ADRA1B: variants seen among roughly 807,000 people sequenced by gnomAD.
ADRA1B encodes adrenoceptor alpha 1B.
Under a neutral mutation model 17.9 loss-of-function variants are expected in ADRA1B, and 17 were observed. The observed-to-expected ratio is 0.95, with a 90% CI of 0.65 to 1.42. ADRA1B has a LOEUF of 1.42. Among genes scored for constraint, ADRA1B ranks in the 40% most tolerant of loss-of-function variants. The pLI, the probability that ADRA1B is intolerant of heterozygous loss-of-function variation, is 0.00. For missense variants in ADRA1B, 681 were observed against 722.1 expected, an observed-to-expected ratio of 0.94 and a Z score of 0.65; for synonymous variants, 366 against 327.6, an observed-to-expected ratio of 1.12 and a Z score of -1.27.
chr5:159,960,335 T>G (rs556663585), intron 1 of ADRA1B, among the ~76,000 whole-genome samples: 1 of 152,342 alleles, frequency 6.6e-6, no homozygotes, highest in African/African-American at 2.4e-5. Context: ...TGAATAGGTC[T>G]TATATTCTAA....
chr5:159,919,433 G>A (rs1468197009), intron 1 of ADRA1B, among the ~76,000 whole-genome samples: 1 of 152,180 alleles, frequency 6.6e-6, no homozygotes, highest in African/African-American at 2.4e-5. Flanking sequence ...ATATGACCTT[G>A]GCCAAATGAC....
At chr5:159,890,293 C>T (rs1753968404) in intron 1 of ADRA1B, among the ~76,000 whole-genome samples, 1 of 152,206 alleles carries the variant, frequency 6.6e-6, no homozygotes, top group African/African-American at 2.4e-5. Flanking sequence ...CCCCAACCTC[C>T]TTCCAATAGC....
chr5:159,892,288 G>C (rs1178734169), intron 1 of ADRA1B, among the ~76,000 whole-genome samples: 1 of 152,206 alleles, frequency 6.6e-6, no homozygotes, highest in Non-Finnish European at 1.5e-5. Context: ...GCCAGTCACT[G>C]AACATTTTTA....
intron 1 of ADRA1B, among the ~76,000 whole-genome samples, chr5:159,927,381 G>GCACATA (rs1554090092): frequency 1.4e-5 from 2 of 140,636 alleles, no homozygotes; most frequent in African/African-American, 5.4e-5. Context: ...ATTAAAACAT[G>GCACATA]CACACACACA....
chr5:159,977,045 A>G (rs1037149405), downstream of ADRA1B, among the ~76,000 whole-genome samples: 26 of 152,316 alleles, frequency 1.7e-4, no homozygotes, highest in African/African-American at 6.0e-4. Flanking sequence ...TTTATTAACT[A>G]TGGGGGACCT....
At chr5:159,945,879 C>T (rs1449809660) in intron 1 of ADRA1B, among the ~76,000 whole-genome samples, 1 of 151,982 alleles carries the variant, frequency 6.6e-6, no homozygotes, top group Non-Finnish European at 1.5e-5. Flanking sequence ...TCCCAAGTAG[C>T]TGGGACTACA....
At chr5:159,931,409 A>T (rs989079436) in intron 1 of ADRA1B, among the ~76,000 whole-genome samples, 1 of 151,278 alleles carries the variant, frequency 6.6e-6, no homozygotes, top group Admixed American at 6.6e-5. Context: ...AAAAAAAAAA[A>T]TGAAGAAATG....
At chr5:159,903,284 G>C (rs1032329648) in intron 1 of ADRA1B, among the ~76,000 whole-genome samples, 4 of 152,196 alleles carry the variant, frequency 2.6e-5, no homozygotes, top group African/African-American at 9.7e-5. Context: ...ACCTGGCCCT[G>C]TGTCTTAGTC....
At chr5:159,937,183 G>A (rs1403740388) in intron 1 of ADRA1B, among the ~76,000 whole-genome samples, 1 of 152,206 alleles carries the variant, frequency 6.6e-6, no homozygotes, top group Non-Finnish European at 1.5e-5. Flanking sequence ...TCCCACTATA[G>A]CCATGAAGCA....
At chr5:159,955,640 G>A (rs188551740) in intron 1 of ADRA1B, among the ~76,000 whole-genome samples, 1 of 152,332 alleles carries the variant, frequency 6.6e-6, no homozygotes, top group East Asian at 1.9e-4. Context: ...ATTCAGTGCT[G>A]TGTGGCCTGT....
chr5:159,918,170 A>C (rs1754382498), intron 1 of ADRA1B, among the ~76,000 whole-genome samples: 1 of 152,236 alleles, frequency 6.6e-6, no homozygotes, highest in Non-Finnish European at 1.5e-5. Flanking sequence ...CTTGAATATC[A>C]CACCGGCGTT....
chr5:159,984,037 G>A, the ADRA1B span, among the ~76,000 whole-genome samples: 1 of 152,076 alleles, frequency 6.6e-6, no homozygotes, highest in Non-Finnish European at 1.5e-5. Flanking sequence ...AACATTTGGT[G>A]TGACTGATAC....
At chr5:159,867,709 T>C (rs914356094) in intron 1 of ADRA1B, 1 of 152,226 alleles carries the variant, frequency 6.6e-6, no homozygotes, top group African/African-American at 2.4e-5. Flanking sequence ...AAATCAAAGA[T>C]GGAGACCACT....
At chr5:159,951,891 G>A (rs765522702) in intron 1 of ADRA1B, among the ~76,000 whole-genome samples, 10 of 152,080 alleles carry the variant, frequency 6.6e-5, no homozygotes, top group South Asian at 2.1e-4. Context: ...GGCATTGCTC[G>A]TCCACAGATC....
intron 1 of ADRA1B, chr5:159,950,446 T>C: frequency 1.0e-6 from 1 of 982,498 alleles, no homozygotes; most frequent in South Asian, 1.3e-5. Context: ...CAGTGAGGGC[T>C]TCTCGCTTCC....
At chr5:159,899,260 AAGAAAGG>A (rs1754070370) in intron 1 of ADRA1B, among the ~76,000 whole-genome samples, 1 of 144,096 alleles carries the variant, frequency 6.9e-6, no homozygotes, top group Admixed American at 7.0e-5. Context: ...GGAAGGAAGG[AAGAAAGG>A]AAGGAAGGAA....
chr5:159,938,358 C>A (rs1755013131), intron 1 of ADRA1B, among the ~76,000 whole-genome samples: 1 of 152,224 alleles, frequency 6.6e-6, no homozygotes, highest in African/African-American at 2.4e-5. Flanking sequence ...CCCTTATCCT[C>A]AAAGTCTTCC....
upstream of ADRA1B, among the ~76,000 whole-genome samples, chr5:159,912,583 C>A (rs998643153): frequency 6.6e-6 from 1 of 152,186 alleles, no homozygotes; most frequent in Non-Finnish European, 1.5e-5. Flanking sequence ...AACATTGAAC[C>A]TTCTGCTGCC....
intron 1 of ADRA1B, among the ~76,000 whole-genome samples, chr5:159,876,864 G>A (rs1189176333): frequency 6.6e-6 from 1 of 152,180 alleles, no homozygotes; most frequent in Non-Finnish European, 1.5e-5. Flanking sequence ...ATTTTGTTAT[G>A]AACTCTACCA....
Sources: gnomAD v4.1 joint callset for allele counts (sites outside exome capture counted in the v4.1 genomes callset) on GRCh38, gnomAD v4.1.1 for gene constraint, MANE v1.5 for transcripts, NCBI Gene and HGNC (gene_info 2026-07-23, HGNC 2026-07-21) for gene names.